Variants in GABRA3 observed in about 807,000 individuals in gnomAD.
GABRA3 encodes the protein gamma-aminobutyric acid receptor subunit alpha-3.
In GABRA3, 10 loss-of-function variants were observed where a neutral mutation model predicts 30.1. That is an observed-to-expected ratio of 0.33 (90% confidence interval 0.20 to 0.56). GABRA3 has a LOEUF of 0.56. Among genes scored for constraint, GABRA3 ranks in the 20% least tolerant of loss-of-function variants. GABRA3 has a pLI of 0.89. For synonymous variants in GABRA3, 151 were observed against 146.8 expected, an observed-to-expected ratio of 1.03 and a Z score of -0.21; for missense variants, 233 against 392.0, an observed-to-expected ratio of 0.59 and a Z score of 3.42.
intron 9 of GABRA3, among the ~76,000 whole-genome samples, chrX:152,178,324 C>G (rs1937101509): frequency 9.1e-6 from 1 of 110,207 alleles, no homozygotes; most frequent in African/African-American, 3.3e-5. Flanking sequence ...CCACTTATAC[C>G]TACTGCAGAG....
intron 1 of GABRA3, among the ~76,000 whole-genome samples, chrX:152,404,757 T>C (rs1929886041): frequency 9.8e-6 from 1 of 102,330 alleles, no homozygotes; most frequent in East Asian, 3.1e-4. Flanking sequence ...ATTATTATTA[T>C]TATTATTATT....
chrX:152,443,570 G>GA (rs1930989254), intron 1 of GABRA3, among the ~76,000 whole-genome samples: 1 of 111,350 alleles, frequency 9.0e-6, no homozygotes, highest in South Asian at 3.8e-4. Context: ...ACAAAATGGA[G>GA]AAAAAAATCC....
chrX:152,251,351 C>T (rs1303984307), intron 5 of GABRA3, among the ~76,000 whole-genome samples: 1 of 110,948 alleles, frequency 9.0e-6, no homozygotes, highest in Non-Finnish European at 1.9e-5. Context: ...CCCTCCTCAA[C>T]CTGCACCTTC....
chrX:152,348,831 C>A (rs1425004372), intron 2 of GABRA3, among the ~76,000 whole-genome samples: 1 of 112,270 alleles, frequency 8.9e-6, no homozygotes, highest in Non-Finnish European at 1.9e-5. Context: ...TGCTAAGAAT[C>A]ATCTGACGCT....
intron 9 of GABRA3, among the ~76,000 whole-genome samples, chrX:152,179,729 C>G (rs1937121267): frequency 9.0e-6 from 1 of 110,658 alleles, no homozygotes; most frequent in South Asian, 3.9e-4. Flanking sequence ...CTCCTGACCT[C>G]GTGATCTGCC....
At chrX:152,284,896 T>C (rs1267150048) in intron 3 of GABRA3, among the ~76,000 whole-genome samples, 161 bp from the exon 4 acceptor site, 1 of 111,709 alleles carries the variant, frequency 9.0e-6, no homozygotes, top group Non-Finnish European at 1.9e-5. Flanking sequence ...ACAGGGAACA[T>C]GCTAGGTACA....
At chrX:152,438,004 C>T (rs1037624390) in intron 1 of GABRA3, among the ~76,000 whole-genome samples, 2 of 111,683 alleles carry the variant, frequency 1.8e-5, no homozygotes, top group African/African-American at 6.5e-5. Context: ...CTCTGTGAAA[C>T]GCACTGTTAA....
intron 1 of GABRA3, among the ~76,000 whole-genome samples, chrX:152,429,023 G>A (rs1930581900): frequency 9.0e-6 from 1 of 111,408 alleles, no homozygotes; most frequent in African/African-American, 3.3e-5. Flanking sequence ...ACACAGCCAA[G>A]CCCTTGTGTC....
intron 9 of GABRA3, among the ~76,000 whole-genome samples, chrX:152,171,605 GC>G (rs761352997): frequency 2.7e-5 from 3 of 111,443 alleles, no homozygotes; most frequent in Non-Finnish European, 5.6e-5. Context: ...CTACCCCCTA[GC>G]CAAGTATCTG....
chrX:152,292,631 T>A (rs1293295534), intron 3 of GABRA3, among the ~76,000 whole-genome samples: 1 of 111,811 alleles, frequency 8.9e-6, no homozygotes, highest in African/African-American at 3.3e-5. Context: ...GTTCTTTTAA[T>A]TATGATGCTA....
At chrX:152,299,866 AG>A (rs757877234) in intron 3 of GABRA3, among the ~76,000 whole-genome samples, 62 of 112,112 alleles carry the variant, frequency 5.5e-4, no homozygotes, top group African/African-American at 2.0e-3. Flanking sequence ...TTTCTTTTAC[AG>A]GTTTGCTCCA....
chrX:152,440,554 A>AT (rs1479514056), intron 1 of GABRA3, among the ~76,000 whole-genome samples: 1 of 112,360 alleles, frequency 8.9e-6, no homozygotes, highest in African/African-American at 3.2e-5. Flanking sequence ...ATGCTACTAT[A>AT]AAGACACGTG....
At chrX:152,405,040 T>C (rs1371502127) in intron 1 of GABRA3, among the ~76,000 whole-genome samples, 1 of 108,429 alleles carries the variant, frequency 9.2e-6, no homozygotes, top group Admixed American at 1.0e-4. Context: ...GGTTTCAATA[T>C]TTAATATAAT....
intron 2 of GABRA3, among the ~76,000 whole-genome samples, chrX:152,353,073 A>G: frequency 9.0e-6 from 1 of 111,176 alleles, no homozygotes; most frequent in Admixed American, 9.6e-5. Context: ...GAAGAAAAAA[A>G]AAAAGAAGAA....
chrX:152,403,569 C>CGT (rs35576596), intron 1 of GABRA3, among the ~76,000 whole-genome samples: 25,325 of 100,478 alleles, frequency 0.25, 2,687 homozygotes, highest in Admixed American at 0.36. Context: ...TATGTGCACA[C>CGT]GTGTGTGTGT....
chrX:152,432,457 G>A (rs774372419), intron 1 of GABRA3, among the ~76,000 whole-genome samples: 1 of 111,067 alleles, frequency 9.0e-6, no homozygotes, highest in Non-Finnish European at 1.9e-5. Context: ...AACAAAACTT[G>A]TTCAAAATCA....
intron 1 of GABRA3, among the ~76,000 whole-genome samples, chrX:152,405,306 C>CAAAAAA (rs1182138088): frequency 3.0e-5 from 1 of 33,736 alleles, no homozygotes; most frequent in African/African-American, 9.0e-5. Flanking sequence ...CGCACCCTTG[C>CAAAAAA]AAAAAAAAAA....
intron 9 of GABRA3, 28 bp downstream of exon 9, chrX:152,189,702 T>G: frequency 1.8e-6 from 2 of 1,110,460 alleles, no homozygotes; most frequent in Non-Finnish European, 2.5e-6. Flanking sequence ...CGGGGGTGCT[T>G]CTCAGTTTCT....
chrX:152,380,832 T>A (rs747139509), intron 1 of GABRA3, among the ~76,000 whole-genome samples: 30 of 111,958 alleles, frequency 2.7e-4, no homozygotes, highest in Non-Finnish European at 5.5e-4. Flanking sequence ...ATATGGTTTG[T>A]CTAGCCCTAC....
Sources: allele counts gnomAD v4.1 joint callset (sites outside exome capture counted in the v4.1 genomes callset), GRCh38; gene constraint gnomAD v4.1.1; transcripts MANE v1.5; gene names NCBI Gene and HGNC (gene_info 2026-07-23, HGNC 2026-07-21).